MACROD2: variants seen among roughly 807,000 people sequenced by gnomAD.
MACROD2 encodes the protein mono-ADP ribosylhydrolase 2, also known as ADP-ribose glycohydrolase MACROD2.
Under a neutral mutation model 70.4 loss-of-function variants are expected in MACROD2, and 36 were observed. The observed-to-expected ratio is 0.51, with a 90% CI of 0.39 to 0.68. The LOEUF (loss-of-function observed/expected upper bound fraction) is 0.68, where lower values mean the gene tolerates loss of function less well. Among genes scored for constraint, MACROD2 ranks in the 30% least tolerant of loss-of-function variants. The pLI is 0.00. For synonymous variants in MACROD2, 172 were observed against 178.8 expected (o/e 0.96, Z 0.30); for missense variants, 496 against 538.4 (o/e 0.92, Z 0.78).
At chr20:14,022,066 G>C (rs1486613516) in intron 2 of MACROD2, among the ~76,000 whole-genome samples, 1 of 152,170 alleles carries the variant, frequency 6.6e-6, no homozygotes, top group Non-Finnish European at 1.5e-5. Context: ...ATGTAAAGTA[G>C]TTATATGTTA....
intron 8 of MACROD2, among the ~76,000 whole-genome samples, chr20:15,611,065 A>G (rs1021730884): frequency 1.6e-5 from 2 of 126,826 alleles, no homozygotes; most frequent in African/African-American, 3.1e-5. Context: ...GCCAATACCC[A>G]TGGATCATGA....
chr20:14,573,741 C>CAA (rs1440096775), intron 4 of MACROD2, among the ~76,000 whole-genome samples: 3 of 152,068 alleles, frequency 2.0e-5, no homozygotes, highest in Non-Finnish European at 4.4e-5. Flanking sequence ...GAAAAAGTCA[C>CAA]AAAACAACTG....
intron 4 of MACROD2, among the ~76,000 whole-genome samples, chr20:14,596,888 GC>G (rs922287788): frequency 4.8e-4 from 73 of 152,242 alleles, no homozygotes; most frequent in African/African-American, 1.7e-3. Context: ...TTCACAAGAT[GC>G]AGCCTGTTAT....
chr20:15,386,841 G>A (rs1438116445), intron 6 of MACROD2, among the ~76,000 whole-genome samples: 1 of 152,130 alleles, frequency 6.6e-6, no homozygotes, highest in Non-Finnish European at 1.5e-5. Context: ...AGTTTGAAAA[G>A]TATTTAATTT....
At chr20:15,258,846 C>T (rs192482272) in intron 6 of MACROD2, among the ~76,000 whole-genome samples, 4 of 152,016 alleles carry the variant, frequency 2.6e-5, no homozygotes, top group East Asian at 3.9e-4. Flanking sequence ...GTTCAAGGAA[C>T]GTTTGCAGAG....
At chr20:14,843,607 A>G (rs992950783) in intron 5 of MACROD2, among the ~76,000 whole-genome samples, 2 of 152,008 alleles carry the variant, frequency 1.3e-5, no homozygotes, top group African/African-American at 4.8e-5. Flanking sequence ...TTTGTTCATG[A>G]ATTTATTTTT....
intron 5 of MACROD2, among the ~76,000 whole-genome samples, chr20:15,184,422 C>T (rs1265640236): frequency 6.6e-6 from 1 of 152,128 alleles, no homozygotes; most frequent in African/African-American, 2.4e-5. Context: ...CTATAATAAA[C>T]AACCCCAGCA....
At chr20:15,342,537 A>C (rs950567579) in intron 6 of MACROD2, among the ~76,000 whole-genome samples, 1 of 152,202 alleles carries the variant, frequency 6.6e-6, no homozygotes, top group Non-Finnish European at 1.5e-5. Context: ...AAAATCACGG[A>C]CAAAAATGTA....
chr20:14,860,016 C>T (rs1461782985), intron 5 of MACROD2, among the ~76,000 whole-genome samples: 2 of 152,072 alleles, frequency 1.3e-5, no homozygotes, highest in East Asian at 3.9e-4. Flanking sequence ...CATACATTGA[C>T]CCTCTGTTAA....
At chr20:14,382,773 G>A (rs951369176) in intron 3 of MACROD2, among the ~76,000 whole-genome samples, 3 of 152,128 alleles carry the variant, frequency 2.0e-5, no homozygotes, top group African/African-American at 4.8e-5. Context: ...CAAAAAGGCA[G>A]CCTGAGAAAT....
intron 5 of MACROD2, among the ~76,000 whole-genome samples, chr20:14,834,053 TAG>T (rs2073001140): frequency 6.6e-6 from 1 of 152,108 alleles, no homozygotes; most frequent in African/African-American, 2.4e-5. Context: ...TGTAAAAATG[TAG>T]AGTTTATATA....
intron 7 of MACROD2, among the ~76,000 whole-genome samples, chr20:15,494,959 T>C (rs982754979): frequency 1.3e-5 from 2 of 152,172 alleles, no homozygotes; most frequent in Non-Finnish European, 1.5e-5. Context: ...ACAGAATCTG[T>C]GTGCACCTGG....
chr20:15,772,322 T>A (rs59808387), intron 8 of MACROD2, among the ~76,000 whole-genome samples: 2,991 of 151,736 alleles, frequency 0.02, 76 homozygotes, highest in African/African-American at 0.056. Flanking sequence ...ATTGACTTAA[T>A]CCACATAGTA....
At chr20:15,396,715 G>A (rs2045864822) in intron 6 of MACROD2, among the ~76,000 whole-genome samples, 1 of 152,090 alleles carries the variant, frequency 6.6e-6, no homozygotes, top group South Asian at 2.1e-4. Context: ...TGACAGTATA[G>A]CAATAAAGGG....
chr20:14,111,552 G>A (rs1315168046), intron 3 of MACROD2, among the ~76,000 whole-genome samples: 1 of 151,900 alleles, frequency 6.6e-6, no homozygotes, highest in Non-Finnish European at 1.5e-5. Flanking sequence ...GGCCAAAGAT[G>A]TGAATAGACA....
intron 8 of MACROD2, among the ~76,000 whole-genome samples, chr20:15,727,469 G>A (rs920757408): frequency 1.3e-5 from 2 of 149,316 alleles, no homozygotes; most frequent in African/African-American, 4.9e-5. Flanking sequence ...TTCTGATTCT[G>A]TGAAGAATAT....
intron 3 of MACROD2, among the ~76,000 whole-genome samples, chr20:14,299,947 C>G (rs565319338): frequency 6.6e-6 from 1 of 151,856 alleles, no homozygotes; most frequent in Admixed American, 6.6e-5. Context: ...CCAAGAAGCT[C>G]GATAGAATAA....
At chr20:15,399,205 G>C (rs1247577985) in intron 6 of MACROD2, among the ~76,000 whole-genome samples, 1 of 152,132 alleles carries the variant, frequency 6.6e-6, no homozygotes, top group Non-Finnish European at 1.5e-5. Context: ...ACAAATTGTT[G>C]ACACAGTTCC....
chr20:14,437,979 A>G (rs551775693), intron 3 of MACROD2, among the ~76,000 whole-genome samples: 3 of 152,180 alleles, frequency 2.0e-5, no homozygotes, highest in Admixed American at 6.5e-5. Context: ...TCATTTAGCA[A>G]AAATCCTGAA....
Sources: gnomAD v4.1 joint callset for allele counts (sites outside exome capture counted in the v4.1 genomes callset) on GRCh38, gnomAD v4.1.1 for gene constraint, MANE v1.5 for transcripts, NCBI Gene and HGNC (gene_info 2026-07-23, HGNC 2026-07-21) for gene names.